LRRFIP2: variants seen among roughly 807,000 people sequenced by gnomAD.
The protein encoded by LRRFIP2 is leucine-rich repeat flightless-interacting protein 2.
LRRFIP2 carries 109 observed loss-of-function variants against 125.9 expected under a neutral mutation model. That is an observed-to-expected ratio of 0.87 (90% confidence interval 0.74 to 1.01). The LOEUF is 1.01. LRRFIP2 is among the 50% of genes least tolerant of loss of function. The pLI is 0.00. For synonymous variants in LRRFIP2, 291 were observed against 293.1 expected (o/e 0.99, Z 0.07); for missense variants, 850 against 862.3 (o/e 0.99, Z 0.18).
intron 2 of LRRFIP2, among the ~76,000 whole-genome samples, chr3:37,135,916 ACCAT>A (rs149229014): frequency 6.6e-6 from 1 of 152,366 alleles, no homozygotes; most frequent in African/African-American, 2.4e-5. Flanking sequence ...ACACAGTGAT[ACCAT>A]CCATCCACCT....
intron 25 of LRRFIP2, among the ~76,000 whole-genome samples, chr3:37,055,611 C>A (rs1203871363): frequency 6.6e-6 from 1 of 152,138 alleles, no homozygotes; most frequent in Non-Finnish European, 1.5e-5. Context: ...ACAACAACCA[C>A]AGCATCTTCA....
intron 19 of LRRFIP2, among the ~76,000 whole-genome samples, chr3:37,077,160 C>T (rs2092163780): frequency 6.6e-6 from 1 of 152,150 alleles, no homozygotes; most frequent in Admixed American, 6.5e-5. Context: ...AACTACATAC[C>T]TTTCGACCCA....
rs1480255613 is a variant in LRRFIP2, at chr3:37,053,162, A to G, written c.*689T>C. ...AAGGTACAGCACAGTTGTATTGAAG[A>G]AAAAAAGGACCCAACTCTTACTTTA... On this transcript the variant is annotated 3_prime_UTR_variant, in exon 28 of 28. Transcript: ENST00000336686. 1 of 152,620 alleles carries G rather than the reference A, an allele frequency of 6.6e-6. No individual in the cohort carries two copies. The highest frequency in any genetic ancestry group is 1.5e-5 in the Non-Finnish European group (1 of 68,062). The allele number at this position is 152,620 out of a possible 1,614,324, so 9.5% of individuals were successfully genotyped here. A position where few individuals can be genotyped will look rare whatever the true frequency, so the allele number is the denominator to read the frequency against.
At chr3:37,095,803 G>A (rs2149241105) in intron 16 of LRRFIP2, among the ~76,000 whole-genome samples, 1 of 151,960 alleles carries the variant, frequency 6.6e-6, no homozygotes, top group East Asian at 1.9e-4. Flanking sequence ...AACCATGACT[G>A]GCTAATATTT....
At chr3:37,096,715 T>C (rs545655715) in intron 15 of LRRFIP2, 55 bp from the exon 16 acceptor site, 1 of 1,035,256 alleles carries the variant, frequency 9.7e-7, no homozygotes, top group African/African-American at 1.6e-5. Context: ...TTGACTTTTT[T>C]TGGGAGGAAA....
intron 21 of LRRFIP2, among the ~76,000 whole-genome samples, chr3:37,071,519 ATGTAATCTTCCCATG>A (rs2091182835): frequency 6.6e-6 from 1 of 152,036 alleles, no homozygotes; most frequent in African/African-American, 2.4e-5. Context: ...TTAAGAGGTA[ATGTAATCTTCCCATG>A]TGTATATTAA....
intron 9 of LRRFIP2, 49 bp downstream of exon 9, chr3:37,110,942 T>C (rs1186155548): frequency 1.3e-6 from 2 of 1,546,032 alleles, no homozygotes; most frequent in South Asian, 1.1e-5. Context: ...AGATTAGAAA[T>C]ATGTTAAAAG....
intron 2 of LRRFIP2, among the ~76,000 whole-genome samples, chr3:37,138,254 G>A (rs1352222387): frequency 6.6e-6 from 1 of 152,212 alleles, no homozygotes; most frequent in Non-Finnish European, 1.5e-5. Context: ...TAAATAAACA[G>A]AGGGGAACAG....
chr3:37,134,591 CAGG>C (rs2095510925), intron 2 of LRRFIP2: 2 of 530,818 alleles, frequency 3.8e-6, no homozygotes. Flanking sequence ...CCGGGATAAC[CAGG>C]AGTTTTGGCC....
chr3:37,074,946 C>G, intron 20 of LRRFIP2, 78 bp downstream of exon 20: 14 of 928,656 alleles, frequency 1.5e-5, no homozygotes, highest in Non-Finnish European at 2.3e-5. Context: ...CTTAACTCTC[C>G]TTCCCTCCCA....
At chr3:37,156,496 A>AC (rs1411064931) in intron 1 of LRRFIP2, among the ~76,000 whole-genome samples, 1 of 150,524 alleles carries the variant, frequency 6.6e-6, no homozygotes, top group African/African-American at 2.4e-5. Flanking sequence ...ACACAGTGAA[A>AC]CCCCCGTCTC....
intron 1 of LRRFIP2, chr3:37,173,151 T>C (rs1011994060): frequency 1.3e-5 from 2 of 152,008 alleles, no homozygotes; most frequent in Admixed American, 6.6e-5. Context: ...TGAGCCGAGA[T>C]TGCGCCACTG....
intron 2 of LRRFIP2, among the ~76,000 whole-genome samples, chr3:37,129,854 G>A (rs371029421): frequency 1.3e-5 from 2 of 152,126 alleles, no homozygotes; most frequent in Non-Finnish European, 2.9e-5. Flanking sequence ...ATAGCCAGGT[G>A]TGGTGGTGCA....
chr3:37,119,259 T>A (rs1446596024), intron 6 of LRRFIP2, among the ~76,000 whole-genome samples: 1 of 152,300 alleles, frequency 6.6e-6, no homozygotes, highest in African/African-American at 2.4e-5. Context: ...ATCAACATAA[T>A]GAAATTAAAT....
intron 1 of LRRFIP2, among the ~76,000 whole-genome samples, chr3:37,149,481 C>G (rs1478978623): frequency 2.0e-5 from 3 of 151,964 alleles, no homozygotes; most frequent in Admixed American, 2.0e-4. Context: ...TGCGCCACAG[C>G]ACTCCAGCTT....
rs1575767024 is a variant in LRRFIP2 at position 37,058,894 on chromosome 3, A to C, written c.1766T>G (p.Leu589Arg). ...TTTCTGTCGTTCCTCCTCTAACTGA[A>C]GCTTCAGTTTTCTAATCTGAAATGA... Reference protein sequence around the residue: ...ELLSQIRKLKLQLEEERQKCS... With the variant: ...ELLSQIRKLKRQLEEERQKCS... The change falls in exon 25 of 28, where the codon CTT becomes CGT. Residue 589 changes from leucine (L) to arginine (R), a missense_variant. Physicochemically the swap from Leu to Arg is moderately radical, Grantham distance 102. Transcript: ENST00000336686. 2 of 1,613,924 alleles carry C rather than the reference A, an allele frequency of 1.2e-6. No individual in the cohort carries two copies. Among genetic ancestry groups the C allele is most frequent in the Non-Finnish European group, 1.7e-6 (2 of 1,179,934 alleles).
intron 1 of LRRFIP2, among the ~76,000 whole-genome samples, chr3:37,158,472 T>C (rs1047181042): frequency 1.3e-5 from 2 of 151,942 alleles, no homozygotes; most frequent in East Asian, 3.9e-4. Flanking sequence ...CCAGGCATGG[T>C]GGCACATGCC....
chr3:37,087,208 C>A (rs1330164807), intron 18 of LRRFIP2, among the ~76,000 whole-genome samples: 1 of 152,130 alleles, frequency 6.6e-6, no homozygotes, highest in Non-Finnish European at 1.5e-5. Context: ...AAGATTTAAA[C>A]TACGATTAGA....
intron 1 of LRRFIP2, among the ~76,000 whole-genome samples, chr3:37,164,806 G>A (rs1445163699): frequency 1.3e-5 from 2 of 151,664 alleles, no homozygotes; most frequent in Non-Finnish European, 2.9e-5. Flanking sequence ...CACCCTAATC[G>A]CCCTTCCTAC....
Sources: allele counts gnomAD v4.1 joint callset (sites outside exome capture counted in the v4.1 genomes callset), GRCh38; gene constraint gnomAD v4.1.1; transcripts MANE v1.5; gene names NCBI Gene and HGNC (gene_info 2026-07-23, HGNC 2026-07-21).